Variants in NME3 observed in about 807,000 individuals in gnomAD.
NME3 encodes NME/NM23 nucleoside diphosphate kinase 3.
NME3 carries 23 observed loss-of-function variants against 15.8 expected under a neutral mutation model. That is an observed-to-expected ratio of 1.45 (90% CI 1.05 to 2.06). The LOEUF (loss-of-function observed/expected upper bound fraction) is 2.06, where lower values mean the gene tolerates loss of function less well. Ranked by LOEUF, NME3 falls within the 30% of genes most tolerant of loss-of-function variation. The pLI, the probability that NME3 is intolerant of heterozygous loss-of-function variation, is 0.00. For synonymous variants in NME3, 157 were observed against 104.4 expected, an observed-to-expected ratio of 1.50 and a Z score of -3.07; for missense variants, 354 against 243.2, an observed-to-expected ratio of 1.46 and a Z score of -3.03.
At position 1,770,528 on chromosome 16, in the gene NME3, G is replaced by A. The variant is rs775753108; in HGVS notation, c.*121C>T. 279 of 720,718 alleles carry A rather than the reference G, an allele frequency of 3.9e-4. No homozygotes were observed. Among genetic ancestry groups the A allele is most frequent in the Non-Finnish European group, 5.6e-4 (255 of 453,198 alleles). 44.6% of individuals were successfully genotyped at this position (720,718 alleles called of 1,614,324 possible). On this transcript the variant is annotated 3_prime_UTR_variant, in exon 5 of 5. Transcript: ENST00000219302. ...CCTCCATGCAACGTCCAGACAGGTG[G>A]ATGTTCAGCAGCCCGTCCAAAGGGA...
chr16:1,770,729 G>C lies in NME3; in HGVS notation c.430C>G (p.Arg144Gly). 1 of 1,595,066 alleles carries C rather than the reference G, an allele frequency of 6.3e-7. No homozygotes were observed. Among genetic ancestry groups the C allele is most frequent in the Non-Finnish European group, 8.5e-7 (1 of 1,172,210 alleles). Residue 144 changes from arginine (R) to glycine (G), a missense_variant, in exon 5 of 5, where the codon CGC (arginine) becomes GGC (glycine). By Grantham distance (125) the Arg-to-Gly change is moderately radical. Coordinates refer to ENST00000219302, the MANE Select transcript of NME3 (RefSeq NM_002513.3). The stretch of plus-strand genomic sequence containing the variant: ...CGGAACCAGAGAGCGATCTCGCGGC[G>C]GGCACTCTCCACCGAGTCGCTGCCG... ...IHGSDSVESA[R>G]REIALWFRAD...
chr16:1,770,793 T>C, intron 4 of NME3, 27 bp from the exon 5 acceptor site: 1 of 1,593,106 alleles, frequency 6.3e-7, no homozygotes, highest in South Asian at 1.1e-5. Context: ...CGTGTGAGCG[T>C]GGGAAAGAGA....
chr16:1,770,843 C>T, intron 4 of NME3, 38 bp downstream of exon 4: 3 of 1,569,046 alleles, frequency 1.9e-6, no homozygotes, highest in East Asian at 2.3e-5. Flanking sequence ...CAGGGGGAGG[C>T]CGGACGGGGC....
chr16:1,770,850 G>A (rs1447631204), intron 4 of NME3, 31 bp downstream of exon 4: 1 of 1,567,878 alleles, frequency 6.4e-7, no homozygotes, highest in Admixed American at 1.8e-5. Flanking sequence ...AGGCCGGACG[G>A]GGCTGGGACC....
At position 1,770,584 on chromosome 16, in the gene NME3, G is replaced by A; in HGVS notation, c.*65C>T. On this transcript the variant is annotated 3_prime_UTR_variant, in exon 5 of 5. Coordinates refer to ENST00000219302, the MANE Select transcript of NME3 (RefSeq NM_002513.3). ...CAAGCGCTGTGGGGTGGGGCCAGAA[G>A]CCCGCCCACCTGGGCCCTGGAGGAG... 7.6e-7 allele frequency: 1 copy of A among 1,308,834 alleles called. No individual in the cohort carries two copies. Among genetic ancestry groups the A allele is most frequent in the South Asian group, 1.4e-5 (1 of 71,722 alleles). 81.1% of individuals were successfully genotyped at this position (1,308,834 alleles called of 1,614,324 possible).
Position 1,771,531 on chromosome 16 carries a change from T to A in NME3, c.4A>T (p.Ile2Phe). M[I>F]CLVLTIFANL... ...GCGAAGATGGTCAGCACCAGGCAGA[T>A]CATGATGGCGGTGCGGGAGCGGGAT... The change falls in exon 1 of 5, where the codon ATC becomes TTC. Residue 2 changes from isoleucine (I) to phenylalanine (F), a missense_variant. By Grantham distance (21) the Ile-to-Phe change is conservative (BLOSUM62 0). Coordinates refer to ENST00000219302, the MANE Select transcript of NME3 (RefSeq NM_002513.3). 8.5e-7 allele frequency: 1 copy of A among 1,170,580 alleles called. No individual in the cohort carries two copies. Among genetic ancestry groups the A allele is most frequent in the Non-Finnish European group, 1.1e-6 (1 of 912,738 alleles). The allele number at this position is 1,170,580 out of a possible 1,614,324, so 72.5% of individuals were successfully genotyped here.
Position 1,770,611 on chromosome 16 carries a change from C to A in NME3, c.*38G>T. The A allele has an allele frequency of 6.6e-7, 1 of 1,504,522 alleles. No homozygotes were observed. Among genetic ancestry groups the A allele is most frequent in the Non-Finnish European group, 9.0e-7 (1 of 1,110,314 alleles). 93.2% of individuals were successfully genotyped at this position (1,504,522 alleles called of 1,614,324 possible). A position where few individuals can be genotyped will look rare whatever the true frequency, so the allele number is the denominator to read the frequency against. ...CCGCCCACCTGGGCCCTGGAGGAGG[C>A]TGGAGTGTGAGAGCCTCTGTGACGC... On this transcript the variant is annotated 3_prime_UTR_variant, in exon 5 of 5. Coordinates refer to ENST00000219302, the MANE Select transcript of NME3 (RefSeq NM_002513.3).
chr16:1,770,568 T>G lies in NME3; in HGVS notation c.*81A>C, dbSNP rs1364389338. On this transcript the variant is annotated 3_prime_UTR_variant, in exon 5 of 5. Coordinates refer to ENST00000219302, the MANE Select transcript of NME3 (RefSeq NM_002513.3). ...GTCCAAAGGGATGCTCCAAGCGCTG[T>G]GGGGTGGGGCCAGAAGCCCGCCCAC... is the stretch of plus-strand genomic sequence containing the variant. The G allele has an allele frequency of 9.3e-7, 1 of 1,073,210 alleles. No homozygotes were observed. Among genetic ancestry groups the G allele is most frequent in the African/African-American group, 1.6e-5 (1 of 63,208 alleles). The allele number at this position is 1,073,210 out of a possible 1,614,324, so 66.5% of individuals were successfully genotyped here. A position where few individuals can be genotyped will look rare whatever the true frequency, so the allele number is the denominator to read the frequency against.
Position 1,770,648 on chromosome 16 carries a change from G to A in NME3, c.*1C>T, listed in dbSNP as rs1281879405. 3 of 1,572,772 alleles carry A rather than the reference G, an allele frequency of 1.9e-6. No homozygotes were observed. Among genetic ancestry groups the A allele is most frequent in the South Asian group, 1.1e-5 (1 of 87,124 alleles). Reference sequence around the variant, plus strand: ...AGCCTCTGTGACGCGCATCTGCCGGGCTACTCATACAGCCAGTGCCCAGCG... The same window carrying A: ...AGCCTCTGTGACGCGCATCTGCCGGACTACTCATACAGCCAGTGCCCAGCG... On this transcript the variant is annotated 3_prime_UTR_variant, in exon 5 of 5. Coordinates refer to ENST00000219302, the MANE Select transcript of NME3 (RefSeq NM_002513.3).
Position 1,770,923 on chromosome 16 carries a change from G to T in NME3, c.350C>A (p.Pro117Gln). ...GAAATCCCCGCGGATGGTGCCGGGC[G>T]GGGCGTCGGCCGGGTTCGTGGCTCC... ...LIGATNPADA[P>Q]PGTIRGDFCI... Residue 117 changes from proline (P) to glutamine (Q), a missense_variant, in exon 4 of 5, where the codon CCG becomes CAG. Transcript: ENST00000219302. 6.3e-7 allele frequency: 1 copy of T among 1,588,028 alleles called. No homozygotes were observed. The highest frequency in any genetic ancestry group is 8.6e-7 in the Non-Finnish European group (1 of 1,163,630).
At position 1,770,652 on chromosome 16, in the gene NME3, C is replaced by T. The variant is rs2042563777; in HGVS notation, c.507G>A (p.Glu169=). The change falls in exon 5 of 5, where the codon GAG becomes GAA. Residue 169 remains glutamate, a synonymous_variant. Transcript: ENST00000219302. Reference sequence around the variant, plus strand: ...TCTGTGACGCGCATCTGCCGGGCTACTCATACAGCCAGTGCCCAGCGCTGT... The same window carrying T: ...TCTGTGACGCGCATCTGCCGGGCTATTCATACAGCCAGTGCCCAGCGCTGT... ...WEDSAGHWLY[E] is the part of the protein sequence containing the mutation. 1.3e-6 allele frequency: 2 copies of T among 1,575,186 alleles called. No homozygotes were observed. The highest frequency in any genetic ancestry group is 8.6e-7 in the Non-Finnish European group (1 of 1,159,408).
At position 1,770,581 on chromosome 16, in the gene NME3, G is replaced by A; in HGVS notation, c.*68C>T. On this transcript the variant is annotated 3_prime_UTR_variant, in exon 5 of 5. Transcript: ENST00000219302. ...CTCCAAGCGCTGTGGGGTGGGGCCA[G>A]AAGCCCGCCCACCTGGGCCCTGGAG... 7.7e-7 allele frequency: 1 copy of A among 1,297,716 alleles called. No individual in the cohort carries two copies. The highest frequency in any genetic ancestry group is 2.5e-5 in the East Asian group (1 of 40,152). 80.4% of individuals were successfully genotyped at this position (1,297,716 alleles called of 1,614,324 possible).
Position 1,770,577 on chromosome 16 carries a change from G to T in NME3, c.*72C>A. On this transcript the variant is annotated 3_prime_UTR_variant, in exon 5 of 5. Transcript: ENST00000219302. Reference sequence around the variant, plus strand: ...GATGCTCCAAGCGCTGTGGGGTGGGGCCAGAAGCCCGCCCACCTGGGCCCT... The same window carrying T: ...GATGCTCCAAGCGCTGTGGGGTGGGTCCAGAAGCCCGCCCACCTGGGCCCT... 8.1e-7 allele frequency: 1 copy of T among 1,238,908 alleles called. No homozygotes were observed. The highest frequency in any genetic ancestry group is 2.3e-5 in the Admixed American group (1 of 42,660). 76.7% of individuals were successfully genotyped at this position (1,238,908 alleles called of 1,614,324 possible).
Position 1,771,109 on chromosome 16 carries a change from G to T in NME3, c.240C>A (p.Arg80=). The part of the protein sequence containing the change: ...AELRERPFYG[R]LVKYMASGPV... ...GCCCGGAGGCCATATACTTGACAAGGCGGCCGTAGAACGGGCGTTCACGCA... is the reference window on the plus strand; with the variant it reads ...GCCCGGAGGCCATATACTTGACAAGTCGGCCGTAGAACGGGCGTTCACGCA... The change falls in exon 3 of 5, where the codon CGC becomes CGA. Residue 80 remains arginine, a synonymous_variant. Transcript: ENST00000219302. 6.2e-7 allele frequency: 1 copy of T among 1,610,196 alleles called. No homozygotes were observed. The highest frequency in any genetic ancestry group is 8.5e-7 in the Non-Finnish European group (1 of 1,179,242).
rs372569199 is a variant in NME3 at position 1,770,907 on chromosome 16, G to A, written c.366C>T (p.Arg122=). Residue 122 remains arginine, a synonymous_variant, in exon 4 of 5, where the codon CGC becomes CGT. Coordinates refer to ENST00000219302, the MANE Select transcript of NME3 (RefSeq NM_002513.3). ...NPADAPPGTI[R]GDFCIEVGKN... ...TGCCAACCTCGATGCAGAAATCCCC[G>A]CGGATGGTGCCGGGCGGGGCGTCGG... The A allele has an allele frequency of 1.9e-6, 3 of 1,585,624 alleles. No individual in the cohort carries two copies. Among genetic ancestry groups the A allele is most frequent in the Non-Finnish European group, 8.6e-7 (1 of 1,162,442 alleles).
In NME3 at chr16:1,770,904, C is replaced by A. The variant is rs1178657588; in HGVS notation, c.369G>T (p.Gly123=). 3.8e-6 allele frequency: 6 copies of A among 1,584,800 alleles called. No homozygotes were observed. The African/African-American group carries it at 6.7e-5, about 18-fold the overall frequency. The change falls in exon 4 of 5, where the codon GGG becomes GGT. Residue 123 remains glycine, a synonymous_variant. Coordinates refer to ENST00000219302, the MANE Select transcript of NME3 (RefSeq NM_002513.3). ...ACTTGCCAACCTCGATGCAGAAATC[C>A]CCGCGGATGGTGCCGGGCGGGGCGT... ...PADAPPGTIR[G]DFCIEVGKNL... is the part of the protein sequence containing the mutation.
intron 2 of NME3, 38 bp downstream of exon 2, chr16:1,771,242 C>T (rs753829764): frequency 1.3e-6 from 2 of 1,577,544 alleles, no homozygotes; most frequent in Non-Finnish European, 1.7e-6. Context: ...CTCCCCTTCC[C>T]CCCACACCGC....
Position 1,770,671 on chromosome 16 carries a change from G to A in NME3, c.488C>T (p.Ala163Val), listed in dbSNP as rs199883773. 14 of 1,583,886 alleles carry A rather than the reference G, an allele frequency of 8.8e-6. No homozygotes were observed. Among genetic ancestry groups the A allele is most frequent in the Admixed American group, 7.1e-5 (4 of 56,122 alleles). ...ADELLCWEDS[A>V]GHWLYE The stretch of plus-strand genomic sequence containing the variant: ...GGGCTACTCATACAGCCAGTGCCCA[G>A]CGCTGTCCTCCCAGCAGAGGAGCTC... The change falls in exon 5 of 5, where the codon GCT becomes GTT. Residue 163 changes from alanine to valine, a missense_variant. Physicochemically the swap from Ala to Val is moderately conservative, Grantham distance 64. Transcript: ENST00000219302.
intron 3 of NME3, 35 bp downstream of exon 3, chr16:1,771,035 T>G: frequency 6.3e-7 from 1 of 1,594,708 alleles, no homozygotes; most frequent in East Asian, 2.3e-5. Flanking sequence ...GGGGTGGGGG[T>G]CCCGGAGCCG....
Sources: gnomAD v4.1 joint callset for allele counts on GRCh38, gnomAD v4.1.1 for gene constraint, MANE v1.5 for transcripts, NCBI Gene and HGNC (gene_info 2026-07-23, HGNC 2026-07-21) for gene names.